NLGN4X: variants seen among roughly 807,000 people sequenced by gnomAD.
NLGN4X encodes neuroligin-4, X-linked.
In NLGN4X, 3 loss-of-function variants were observed where a neutral mutation model predicts 40.3. That is an observed-to-expected ratio of 0.07 (90% CI 0.03 to 0.19). The LOEUF is 0.19. Among genes scored for constraint, NLGN4X ranks in the 10% least tolerant of loss-of-function variants. The pLI is 1.00. For synonymous variants in NLGN4X, 270 were observed against 306.8 expected (o/e 0.88, Z 1.25); for missense variants, 382 against 708.3 (o/e 0.54, Z 5.23).
At chrX:6,084,342 A>G (rs1189563584) in intron 2 of NLGN4X, among the ~76,000 whole-genome samples, 1 of 111,439 alleles carries the variant, frequency 9.0e-6, no homozygotes, top group Admixed American at 9.5e-5. Flanking sequence ...GGAGAAAAAT[A>G]TGTCATAACT....
At chrX:6,105,291 C>G (rs1244812023) in intron 2 of NLGN4X, among the ~76,000 whole-genome samples, 3 of 111,348 alleles carry the variant, frequency 2.7e-5, no homozygotes, top group Non-Finnish European at 5.6e-5. Context: ...GAACTCCCGA[C>G]CTCAAGTGAT....
At chrX:6,166,853 CT>C (rs2040506757) in intron 1 of NLGN4X, among the ~76,000 whole-genome samples, 2 of 110,500 alleles carry the variant, frequency 1.8e-5, no homozygotes, top group African/African-American at 6.6e-5. Flanking sequence ...GGGAGGATCA[CT>C]TGAGCCTAAG....
chrX:6,071,589 T>C (rs2178609), intron 2 of NLGN4X, among the ~76,000 whole-genome samples: 40,796 of 110,333 alleles, frequency 0.37, 5,768 homozygotes, highest in Admixed American at 0.45. Flanking sequence ...GATCCCCTCA[T>C]GGTCCCGGAG....
chrX:6,160,969 T>C (rs1475914494), intron 1 of NLGN4X, among the ~76,000 whole-genome samples: 15 of 100,220 alleles, frequency 1.5e-4, no homozygotes, highest in Non-Finnish European at 9.8e-5. Context: ...AAATAAAATA[T>C]ATTATTCTAT....
chrX:6,218,096 T>C (rs2045209), intron 1 of NLGN4X, among the ~76,000 whole-genome samples: 16,155 of 110,696 alleles, frequency 0.15, 1,086 homozygotes, highest in African/African-American at 0.25. Flanking sequence ...GTGGGTAAAT[T>C]TGCAATACGG....
At chrX:5,985,901 C>A (rs182533621) in intron 3 of NLGN4X, among the ~76,000 whole-genome samples, 1 of 111,656 alleles carries the variant, frequency 9.0e-6, no homozygotes, top group African/African-American at 3.2e-5. Context: ...TACAGAGGAT[C>A]ACTTTATAAT....
intron 2 of NLGN4X, among the ~76,000 whole-genome samples, chrX:6,120,012 C>G (rs1171530271): frequency 1.8e-5 from 2 of 111,315 alleles, no homozygotes; most frequent in African/African-American, 6.5e-5. Context: ...AAAATTGCTA[C>G]GTAATCACAG....
chrX:6,225,350 T>C (rs1336433920), intron 1 of NLGN4X, among the ~76,000 whole-genome samples: 1 of 108,861 alleles, frequency 9.2e-6, no homozygotes, highest in Non-Finnish European at 1.9e-5. Flanking sequence ...CAACTAAAGG[T>C]ATGAAATAAT....
chrX:6,226,704 T>G (rs1483178467), intron 1 of NLGN4X: 1 of 118,739 alleles, frequency 8.4e-6, no homozygotes. Context: ...TCCAGGAGAC[T>G]GACTGAAGGA....
At chrX:5,987,187 T>C (rs192760654) in intron 3 of NLGN4X, among the ~76,000 whole-genome samples, 2 of 111,898 alleles carry the variant, frequency 1.8e-5, no homozygotes, top group Non-Finnish European at 3.8e-5. Flanking sequence ...ATATGAAATT[T>C]ATAAAACAGT....
At chrX:5,983,156 C>T (rs1385022361) in intron 3 of NLGN4X, among the ~76,000 whole-genome samples, 2 of 112,608 alleles carry the variant, frequency 1.8e-5, no homozygotes, top group African/African-American at 6.5e-5. Flanking sequence ...CAAGTGCTTG[C>T]AGTCTACCTT....
intron 2 of NLGN4X, among the ~76,000 whole-genome samples, chrX:6,033,532 T>C (rs2036925707): frequency 8.9e-6 from 1 of 112,215 alleles, no homozygotes; most frequent in African/African-American, 3.2e-5. Flanking sequence ...CCTCTGTGTG[T>C]AAAATAGCTA....
At chrX:5,964,117 G>A (rs916597992) in intron 3 of NLGN4X, among the ~76,000 whole-genome samples, 7 of 111,440 alleles carry the variant, frequency 6.3e-5, no homozygotes, top group African/African-American at 1.6e-4. Context: ...AGCCAGTCAG[G>A]GGTGGGTTAT....
At chrX:6,085,175 G>C (rs773660081) in intron 2 of NLGN4X, among the ~76,000 whole-genome samples, 13 of 109,954 alleles carry the variant, frequency 1.2e-4, no homozygotes, top group Non-Finnish European at 2.1e-4. Context: ...TCAGACGTTT[G>C]GTGGCTGGAA....
chrX:5,937,662 C>A (rs112334696), intron 3 of NLGN4X, among the ~76,000 whole-genome samples: 2 of 111,536 alleles, frequency 1.8e-5, no homozygotes, highest in African/African-American at 6.5e-5. Context: ...CTTTTGCTTA[C>A]GGCTGCCTCC....
chrX:5,954,304 A>C (rs1307414797), intron 3 of NLGN4X, among the ~76,000 whole-genome samples: 2 of 108,523 alleles, frequency 1.8e-5, no homozygotes, highest in Non-Finnish European at 3.8e-5. Flanking sequence ...AGCTCATTTC[A>C]GCCTCCAACT....
chrX:6,196,366 A>G (rs1488754041), intron 1 of NLGN4X, among the ~76,000 whole-genome samples: 2 of 109,753 alleles, frequency 1.8e-5, no homozygotes, highest in Non-Finnish European at 3.8e-5. Context: ...CCTGGCTAAC[A>G]CGGTTTAACC....
intron 1 of NLGN4X, among the ~76,000 whole-genome samples, chrX:6,155,867 T>C (rs918972974): frequency 8.9e-6 from 1 of 112,094 alleles, no homozygotes; most frequent in Admixed American, 9.5e-5. Flanking sequence ...CTAGTCAGAA[T>C]GGCTATTCAT....
intron 3 of NLGN4X, among the ~76,000 whole-genome samples, chrX:5,943,141 A>G (rs1215505502): frequency 5.4e-5 from 6 of 111,464 alleles, no homozygotes; most frequent in African/African-American, 2.0e-4. Flanking sequence ...AGGAAGTCGG[A>G]GAGATTCAGT....
Sources: gnomAD v4.1 joint callset for allele counts (sites outside exome capture counted in the v4.1 genomes callset) on GRCh38, gnomAD v4.1.1 for gene constraint, MANE v1.5 for transcripts, NCBI Gene and HGNC (gene_info 2026-07-23, HGNC 2026-07-21) for gene names.